Variants in GRID2 observed in about 807,000 individuals in gnomAD.
GRID2 encodes glutamate receptor ionotropic, delta-2.
In GRID2, 33 loss-of-function variants were observed where a neutral mutation model predicts 114.8. The observed-to-expected ratio is 0.29, with a 90% CI of 0.22 to 0.38. The LOEUF (loss-of-function observed/expected upper bound fraction) is 0.38. Ranked by LOEUF, GRID2 falls within the 10% of genes least tolerant of loss-of-function variation. The pLI, the probability that GRID2 is intolerant of heterozygous loss-of-function variation, is 1.00. For synonymous variants in GRID2, 505 were observed against 449.9 expected, an observed-to-expected ratio of 1.12 and a Z score of -1.55; for missense variants, 1,184 against 1,257.7, an observed-to-expected ratio of 0.94 and a Z score of 0.89.
chr4:92,831,212 C>T (rs1284952071), intron 2 of GRID2, among the ~76,000 whole-genome samples: 2 of 152,114 alleles, frequency 1.3e-5, no homozygotes, highest in African/African-American at 4.8e-5. Flanking sequence ...TATGTCTATT[C>T]TTTTATATCA....
intron 4 of GRID2, among the ~76,000 whole-genome samples, chr4:93,193,426 G>C (rs1741187289): frequency 6.6e-6 from 1 of 152,092 alleles, no homozygotes; most frequent in African/African-American, 2.4e-5. Context: ...ATGATAGTGA[G>C]TGAGTTCTTA....
At chr4:92,739,609 C>T (rs10516915) in intron 2 of GRID2, among the ~76,000 whole-genome samples, 41,730 of 151,838 alleles carry the variant, frequency 0.27, 6,275 homozygotes, top group Middle Eastern at 0.49. Flanking sequence ...AGCAGTTATA[C>T]GAGATTCTTA....
At chr4:92,989,421 T>C (rs1158162919) in intron 2 of GRID2, among the ~76,000 whole-genome samples, 1 of 151,614 alleles carries the variant, frequency 6.6e-6, no homozygotes, top group East Asian at 1.9e-4. Context: ...CAAAATAGAA[T>C]GAGAGGGACA....
At chr4:93,045,424 G>A (rs1726036445) in intron 2 of GRID2, among the ~76,000 whole-genome samples, 1 of 151,892 alleles carries the variant, frequency 6.6e-6, no homozygotes, top group Non-Finnish European at 1.5e-5. Flanking sequence ...ATGTATCTAT[G>A]TATGTATTAA....
chr4:93,231,948 A>G (rs1332110948), intron 7 of GRID2, among the ~76,000 whole-genome samples: 1 of 152,150 alleles, frequency 6.6e-6, no homozygotes, highest in Non-Finnish European at 1.5e-5. Context: ...TAGCATCTTA[A>G]TGGAAATTTC....
chr4:92,454,160 G>T (rs2149081524), intron 1 of GRID2, among the ~76,000 whole-genome samples: 1 of 152,236 alleles, frequency 6.6e-6, no homozygotes, highest in Non-Finnish European at 1.5e-5. Flanking sequence ...AAATTTGAGT[G>T]TCTAAGTCAT....
At chr4:92,534,762 A>C (rs1725526122) in intron 1 of GRID2, among the ~76,000 whole-genome samples, 1 of 152,170 alleles carries the variant, frequency 6.6e-6, no homozygotes, top group Admixed American at 6.5e-5. Context: ...AGCAGTATTT[A>C]TCACTGGCTT....
intron 7 of GRID2, among the ~76,000 whole-genome samples, chr4:93,231,570 C>T (rs1746154702): frequency 6.6e-6 from 1 of 151,992 alleles, no homozygotes; most frequent in Non-Finnish European, 1.5e-5. Flanking sequence ...GCTTCACAGC[C>T]AAGAAAGACA....
chr4:92,624,952 T>C (rs1187108836), intron 2 of GRID2, among the ~76,000 whole-genome samples: 1 of 151,858 alleles, frequency 6.6e-6, no homozygotes, highest in Non-Finnish European at 1.5e-5. Flanking sequence ...ATCGCCTTAA[T>C]AGTTCAGACT....
At chr4:92,716,307 T>G (rs564910746) in intron 2 of GRID2, among the ~76,000 whole-genome samples, 1 of 152,172 alleles carries the variant, frequency 6.6e-6, no homozygotes, top group Non-Finnish European at 1.5e-5. Context: ...ATTTCCTCAG[T>G]GAAAAGAACA....
At chr4:92,687,849 C>A in intron 2 of GRID2, among the ~76,000 whole-genome samples, 1 of 151,350 alleles carries the variant, frequency 6.6e-6, no homozygotes, top group East Asian at 2.0e-4. Context: ...AACCTTTTTG[C>A]TAAAAAAAGG....
intron 2 of GRID2, among the ~76,000 whole-genome samples, chr4:92,839,913 G>A (rs1046056617): frequency 6.6e-6 from 1 of 151,936 alleles, no homozygotes; most frequent in Non-Finnish European, 1.5e-5. Flanking sequence ...GCTGAAAGTG[G>A]GGTGTTGAAT....
At chr4:92,359,129 T>A (rs193269184) in intron 1 of GRID2, among the ~76,000 whole-genome samples, 1 of 151,994 alleles carries the variant, frequency 6.6e-6, no homozygotes, top group Admixed American at 6.6e-5. Flanking sequence ...AATTTTTAAG[T>A]AGTGAAGTTT....
chr4:92,963,636 T>C (rs184638514), intron 2 of GRID2, among the ~76,000 whole-genome samples: 79 of 152,128 alleles, frequency 5.2e-4, no homozygotes, highest in Non-Finnish European at 8.1e-4. Flanking sequence ...CTCCTCACGG[T>C]CATTCATGAA....
chr4:92,374,754 A>G (rs1729276456), intron 1 of GRID2, among the ~76,000 whole-genome samples: 1 of 152,180 alleles, frequency 6.6e-6, no homozygotes, highest in African/African-American at 2.4e-5. Flanking sequence ...GAGTTATTCT[A>G]CAAGCACATT....
intron 8 of GRID2, among the ~76,000 whole-genome samples, chr4:93,252,429 A>G (rs1316218067): frequency 7.3e-6 from 1 of 136,520 alleles, no homozygotes; most frequent in Non-Finnish European, 1.5e-5. Context: ...TGGTCTATGT[A>G]TCTGTTCTTG....
At chr4:92,425,148 G>GTT (rs1732095835) in intron 1 of GRID2, among the ~76,000 whole-genome samples, 1 of 152,010 alleles carries the variant, frequency 6.6e-6, no homozygotes, top group Admixed American at 6.6e-5. Flanking sequence ...TCTGTAGAAA[G>GTT]AGAAGTAAGG....
At chr4:92,725,692 A>G (rs904420489) in intron 2 of GRID2, among the ~76,000 whole-genome samples, 15 of 152,200 alleles carry the variant, frequency 9.9e-5, no homozygotes, top group African/African-American at 2.7e-4. Context: ...TGTAGAGTCT[A>G]ATATATTCCC....
chr4:93,305,452 A>G (rs529969625), intron 8 of GRID2, among the ~76,000 whole-genome samples: 71 of 152,286 alleles, frequency 4.7e-4, no homozygotes, highest in African/African-American at 1.7e-3. Context: ...GAACCTCTGG[A>G]CAAAGGGACA....
Sources: allele counts gnomAD v4.1 joint callset (sites outside exome capture counted in the v4.1 genomes callset), GRCh38; gene constraint gnomAD v4.1.1; transcripts MANE v1.5; gene names NCBI Gene and HGNC (gene_info 2026-07-23, HGNC 2026-07-21).